Variants in CNTNAP2 observed in about 807,000 individuals in gnomAD.
The protein encoded by CNTNAP2 is contactin associated protein 2, also known as contactin-associated protein-like 2.
A neutral mutation model predicts 155.2 loss-of-function variants in CNTNAP2; 98 were observed. The observed-to-expected ratio is 0.63, with a 90% confidence interval of 0.54 to 0.75. The LOEUF is 0.75. Ranked by LOEUF, CNTNAP2 falls within the 30% of genes least tolerant of loss-of-function variation. CNTNAP2 has a pLI of 0.00. For missense variants in CNTNAP2, 1,727 were observed against 1,688.1 expected (o/e 1.02, Z -0.40); for synonymous variants, 651 against 631.2 (o/e 1.03, Z -0.47).
At chr7:147,991,021 C>T (rs916654087) in intron 15 of CNTNAP2, among the ~76,000 whole-genome samples, 1 of 152,094 alleles carries the variant, frequency 6.6e-6, no homozygotes, top group Non-Finnish European at 1.5e-5. Context: ...CCATGAGTCA[C>T]CTTATTGGCA....
intron 15 of CNTNAP2, among the ~76,000 whole-genome samples, chr7:148,105,571 TTA>T (rs72365313): frequency 0.16 from 24,720 of 151,820 alleles, 5,559 homozygotes; most frequent in African/African-American, 0.51. Context: ...GTTTTGCATT[TTA>T]TTTTATTTTT....
At chr7:146,614,382 A>G (rs1387264427) in intron 1 of CNTNAP2, among the ~76,000 whole-genome samples, 3 of 152,238 alleles carry the variant, frequency 2.0e-5, no homozygotes, top group Non-Finnish European at 2.9e-5. Context: ...CTATACATGA[A>G]TTAGACAAAG....
intron 9 of CNTNAP2, among the ~76,000 whole-genome samples, chr7:147,365,348 C>G (rs1796209965): frequency 7.4e-6 from 1 of 135,812 alleles, no homozygotes; most frequent in Non-Finnish European, 1.5e-5. Context: ...GCACTCCAGC[C>G]TGGGCAGCAG....
chr7:148,228,007 T>C (rs1795887291), intron 19 of CNTNAP2, among the ~76,000 whole-genome samples: 1 of 152,024 alleles, frequency 6.6e-6, no homozygotes, highest in Non-Finnish European at 1.5e-5. Context: ...CAGGTGACTT[T>C]CTTTTATTTT....
intron 22 of CNTNAP2, among the ~76,000 whole-genome samples, chr7:148,399,916 G>A (rs927390987): frequency 6.6e-6 from 1 of 152,054 alleles, no homozygotes; most frequent in African/African-American, 2.4e-5. Context: ...AGTCACCAAT[G>A]GTCTACATTA....
Position 146,356,178 on chromosome 7 carries a change from A to G in CNTNAP2, c.97+239205A>G, listed in dbSNP as rs535814324. Among the ~76,000 whole-genome samples, 4 of 152,214 alleles carry G rather than the reference A, an allele frequency of 2.6e-5. No individual in the cohort carries two copies. In the East Asian group the frequency reaches 5.8e-4, roughly 22 times the overall value. ...GGACAATTCTATCTGTAGACATCAG[A>G]TGTACTCGCAAACCGTACATTGTTG... On this transcript the variant is annotated intron_variant, in intron 1 of 23. Coordinates refer to ENST00000361727, the MANE Select transcript of CNTNAP2 (RefSeq NM_014141.6).
chr7:147,700,193 C>T (rs923892629), intron 13 of CNTNAP2, among the ~76,000 whole-genome samples: 2 of 152,038 alleles, frequency 1.3e-5, no homozygotes, highest in African/African-American at 2.4e-5. Flanking sequence ...AAAAAGTAAA[C>T]GTAGATATGT....
chr7:148,043,438 C>A (rs1802713551), intron 15 of CNTNAP2, among the ~76,000 whole-genome samples: 1 of 152,170 alleles, frequency 6.6e-6, no homozygotes, highest in Non-Finnish European at 1.5e-5. Flanking sequence ...CAGAGCTGCT[C>A]CTCATACAGC....
At chr7:147,180,596 A>C (rs1802435640) in intron 8 of CNTNAP2, among the ~76,000 whole-genome samples, 1 of 152,190 alleles carries the variant, frequency 6.6e-6, no homozygotes. Context: ...AAAATTTAGT[A>C]AACTAGAAAT....
chr7:148,251,476 T>TA (rs142651664), intron 20 of CNTNAP2, among the ~76,000 whole-genome samples: 2,971 of 152,276 alleles, frequency 0.02, 85 homozygotes, highest in African/African-American at 0.066. Flanking sequence ...AAGTTTTTTT[T>TA]AGAGGTTTCA....
intron 1 of CNTNAP2, among the ~76,000 whole-genome samples, chr7:146,476,929 C>A (rs1479968861): frequency 6.6e-6 from 1 of 152,082 alleles, no homozygotes; most frequent in Non-Finnish European, 1.5e-5. Context: ...CAATTTTAAA[C>A]AAAGGTAGAG....
At chr7:147,132,614 T>G (rs1340427153) in intron 8 of CNTNAP2, 105 bp downstream of exon 8, 5 of 1,436,828 alleles carry the variant, frequency 3.5e-6, no homozygotes, top group Non-Finnish European at 4.9e-6. Context: ...CAGGATTAGG[T>G]TTTAATTCAG....
chr7:147,156,778 G>A (rs959407758), intron 8 of CNTNAP2, among the ~76,000 whole-genome samples: 1 of 151,992 alleles, frequency 6.6e-6, no homozygotes, highest in Non-Finnish European at 1.5e-5. Context: ...ACTGACCATG[G>A]GTATGTCCTC....
chr7:146,243,752 G>C (rs1267496257), intron 1 of CNTNAP2, among the ~76,000 whole-genome samples: 1 of 152,128 alleles, frequency 6.6e-6, no homozygotes, highest in Non-Finnish European at 1.5e-5. Context: ...AATCTCATCA[G>C]TTTAGAATGA....
rs189655146 is a variant in CNTNAP2 at position 147,971,321 on chromosome 7, T to C, written c.2256-6541T>C. 9.2e-5 allele frequency among the ~76,000 whole-genome samples: 14 copies of C among 152,342 alleles called. No homozygotes were observed. In the East Asian group the frequency reaches 2.5e-3, roughly 27 times the overall value. On this transcript the variant is annotated intron_variant, in intron 14 of 23. Coordinates refer to ENST00000361727, the MANE Select transcript of CNTNAP2 (RefSeq NM_014141.6). ...ATTTAAATACCATAATATTCATCGA[T>C]TTTAACTGTACATTAACTGTACAAG...
chr7:146,431,576 C>G (rs563957041), intron 1 of CNTNAP2, among the ~76,000 whole-genome samples: 1 of 152,088 alleles, frequency 6.6e-6, no homozygotes, highest in South Asian at 2.1e-4. Flanking sequence ...TTTCTATATG[C>G]TTTATGTGAA....
chr7:147,068,749 C>A (rs1030424313), intron 4 of CNTNAP2, among the ~76,000 whole-genome samples: 3 of 152,220 alleles, frequency 2.0e-5, no homozygotes, highest in Non-Finnish European at 4.4e-5. Context: ...TCCAGTCTGC[C>A]TTTCCTGACA....
chr7:147,089,930 G>T (rs2129272529), intron 4 of CNTNAP2, among the ~76,000 whole-genome samples: 1 of 152,264 alleles, frequency 6.6e-6, no homozygotes, highest in South Asian at 2.1e-4. Flanking sequence ...TTGTTTCTCT[G>T]AAATGTTCTT....
At chr7:146,309,403 A>T (rs936557808) in intron 1 of CNTNAP2, among the ~76,000 whole-genome samples, 2 of 152,158 alleles carry the variant, frequency 1.3e-5, no homozygotes, top group Admixed American at 1.3e-4. Flanking sequence ...CATCTGCAGT[A>T]AGGCATCTTA....
Sources: allele counts gnomAD v4.1 joint callset (sites outside exome capture counted in the v4.1 genomes callset), GRCh38; gene constraint gnomAD v4.1.1; transcripts MANE v1.5; gene names NCBI Gene and HGNC (gene_info 2026-07-23, HGNC 2026-07-21).